The following CCDC38 variants were observed in gnomAD, a reference collection of about 807,000 sequenced individuals.
CCDC38 encodes the protein coiled-coil domain containing 38.
A neutral mutation model predicts 72.8 loss-of-function variants in CCDC38; 69 were observed. The observed-to-expected ratio is 0.95, with a 90% confidence interval of 0.78 to 1.16. The LOEUF (loss-of-function observed/expected upper bound fraction) is 1.16. CCDC38 is among the 50% of genes most tolerant of loss of function. The pLI, the probability that CCDC38 is intolerant of heterozygous loss-of-function variation, is 0.00. For missense variants in CCDC38, 626 were observed against 638.9 expected, an observed-to-expected ratio of 0.98 and a Z score of 0.22; for synonymous variants, 201 against 213.2, an observed-to-expected ratio of 0.94 and a Z score of 0.50.
chr12:95,918,766 A>T lies in CCDC38; in HGVS notation c.138+110T>A. On this transcript the variant is annotated intron_variant, in intron 3 of 15. Coordinates refer to ENST00000344280, the MANE Select transcript of CCDC38 (RefSeq NM_182496.3). ...CCCATCATGGTGTGGGGCACACACC[A>T]TCTGCGTCTAGTTGACTCCATGTCT... 2.9e-6 allele frequency: 2 copies of T among 690,174 alleles called. 1 individual carries two copies. The highest frequency in any genetic ancestry group is 3.5e-5 in the South Asian group (2 of 57,304). 42.8% of individuals were successfully genotyped at this position (690,174 alleles called of 1,614,324 possible).
intron 2 of CCDC38, among the ~76,000 whole-genome samples, chr12:95,932,429 G>T (rs2080347611): frequency 6.6e-6 from 1 of 151,704 alleles, no homozygotes; most frequent in Non-Finnish European, 1.5e-5. Flanking sequence ...TTCTGGACTT[G>T]ATTTTGTTTT....
chr12:95,875,611 G>A (rs781697883), intron 13 of CCDC38, among the ~76,000 whole-genome samples: 1 of 152,110 alleles, frequency 6.6e-6, no homozygotes, highest in Non-Finnish European at 1.5e-5. Context: ...TGTATATTCT[G>A]AGAGCTGAAA....
chr12:95,907,150 A>C (rs1374062411), intron 4 of CCDC38, among the ~76,000 whole-genome samples: 1 of 148,018 alleles, frequency 6.8e-6, no homozygotes, highest in East Asian at 2.0e-4. Context: ...GTAAGGTCAC[A>C]GATCAACAGG....
At chr12:95,906,556 C>G in intron 4 of CCDC38, 105 bp from the exon 5 acceptor site, 1 of 740,408 alleles carries the variant, frequency 1.4e-6, no homozygotes, top group Admixed American at 2.9e-5. Context: ...TGTATCTGAT[C>G]TTTTAAAAAT....
intron 5 of CCDC38, 73 bp downstream of exon 5, chr12:95,906,314 T>C (rs536013896): frequency 2.7e-6 from 3 of 1,106,280 alleles, no homozygotes; most frequent in South Asian, 2.7e-5. Context: ...AAGCAAAATG[T>C]CAAGGTAAAT....
At chr12:95,928,589 C>T (rs1164801033) in intron 2 of CCDC38, among the ~76,000 whole-genome samples, 7 of 152,322 alleles carry the variant, frequency 4.6e-5, no homozygotes, top group South Asian at 2.1e-4. Context: ...TGAGGAACTG[C>T]GTTCCTTTGG....
At chr12:95,906,851 T>C (rs1009041865) in intron 4 of CCDC38, among the ~76,000 whole-genome samples, 3 of 150,726 alleles carry the variant, frequency 2.0e-5, no homozygotes, top group Non-Finnish European at 4.4e-5. Flanking sequence ...TTATTGATCA[T>C]TCTTGGGTGT....
At chr12:95,884,587 G>A (rs2079736829) in intron 10 of CCDC38, among the ~76,000 whole-genome samples, 1 of 152,230 alleles carries the variant, frequency 6.6e-6, no homozygotes, top group South Asian at 2.1e-4. Context: ...TTCTCTCACA[G>A]TTCTGGAGGC....
chr12:95,935,565 G>C (rs543975846), intron 2 of CCDC38: 1 of 291,144 alleles, frequency 3.4e-6, no homozygotes, highest in East Asian at 1.1e-4. Flanking sequence ...TTAAGCCACA[G>C]TTGTTTTATA....
chr12:95,935,294 T>G (rs1197098703), intron 2 of CCDC38: 1 of 153,072 alleles, frequency 6.5e-6, no homozygotes, highest in Non-Finnish European at 1.5e-5. Flanking sequence ...AAATGAACAC[T>G]CAGAGTAGAG....
At chr12:95,927,171 G>A (rs2080280687) in intron 2 of CCDC38, among the ~76,000 whole-genome samples, 2 of 152,102 alleles carry the variant, frequency 1.3e-5, no homozygotes, top group Admixed American at 1.3e-4. Context: ...TAATGTGTGG[G>A]AGTCTAAGTC....
rs1426295576 is a variant in CCDC38, at chr12:95,926,918, A to G, written c.38-7942T>C. Among the ~76,000 whole-genome samples the G allele has an allele frequency of 2.0e-5, 3 of 151,756 alleles. No homozygotes were observed. In the East Asian group the frequency reaches 5.8e-4, roughly 29 times the overall value. ...TGTGGTCTGAGAGATAGTTTGTTAT[A>G]ATTTCTGTTCTTTTACATTTGCTGA... On this transcript the variant is annotated intron_variant, in intron 2 of 15. Transcript: ENST00000344280.
At chr12:95,899,689 G>A (rs1339766044) in intron 5 of CCDC38, among the ~76,000 whole-genome samples, 1 of 152,196 alleles carries the variant, frequency 6.6e-6, no homozygotes, top group Admixed American at 6.5e-5. Flanking sequence ...ATGGAAATGA[G>A]ATGATTTTAA....
intron 1 of CCDC38, among the ~76,000 whole-genome samples, chr12:95,939,175 G>T (rs1015128266): frequency 6.6e-6 from 1 of 152,188 alleles, no homozygotes; most frequent in Non-Finnish European, 1.5e-5. Flanking sequence ...TGTGCTATGG[G>T]AGTGTAAGCA....
intron 13 of CCDC38, among the ~76,000 whole-genome samples, chr12:95,875,326 A>G (rs1258346867): frequency 1.3e-5 from 2 of 152,138 alleles, no homozygotes; most frequent in African/African-American, 2.4e-5. Context: ...TGAGAGGTAC[A>G]CTTGTGATTT....
At chr12:95,891,168 TG>T (rs1376294326) in intron 8 of CCDC38, among the ~76,000 whole-genome samples, 6 of 152,206 alleles carry the variant, frequency 3.9e-5, no homozygotes, top group Non-Finnish European at 7.3e-5. Context: ...GGCTGGTCCC[TG>T]GGTTAAGAGA....
chr12:95,890,822 C>G lies in CCDC38; in HGVS notation c.871+10G>C, dbSNP rs756873395. Reference sequence around the variant, plus strand: ...GGTTTTACTTTCATGAGTCCCAAATCTACCTTTACCTTGGCTGTCTCTTCC... The same window carrying G: ...GGTTTTACTTTCATGAGTCCCAAATGTACCTTTACCTTGGCTGTCTCTTCC... On this transcript the variant is annotated intron_variant, in intron 9 of 15. Transcript: ENST00000344280. 3 of 1,549,244 alleles carry G rather than the reference C, an allele frequency of 1.9e-6. No homozygotes were observed. The Admixed American group carries it at 5.1e-5, about 26-fold the overall frequency.
chr12:95,890,995 AAGAG>A, intron 8 of CCDC38, 65 bp from the exon 9 acceptor site: 1 of 870,730 alleles, frequency 1.1e-6, no homozygotes, highest in Non-Finnish European at 1.9e-6. Context: ...ACTGCTGAGA[AAGAG>A]AGCTTTGTCT....
intron 5 of CCDC38, among the ~76,000 whole-genome samples, chr12:95,901,949 T>C (rs1216480410): frequency 6.6e-6 from 1 of 152,122 alleles, no homozygotes; most frequent in Non-Finnish European, 1.5e-5. Flanking sequence ...TAATGTGATA[T>C]CTAAAGAGGG....
Sources: gnomAD v4.1 joint callset for allele counts (sites outside exome capture counted in the v4.1 genomes callset) on GRCh38, gnomAD v4.1.1 for gene constraint, MANE v1.5 for transcripts, NCBI Gene and HGNC (gene_info 2026-07-23, HGNC 2026-07-21) for gene names.